PPFIBP1: variants seen among roughly 807,000 people sequenced by gnomAD.
PPFIBP1 encodes PPFIB scaffold protein 1.
Under a neutral mutation model 137.8 loss-of-function variants are expected in PPFIBP1, and 112 were observed. The ratio of observed to expected loss-of-function variants is 0.81; its 90% CI spans 0.70 to 0.95. The LOEUF (loss-of-function observed/expected upper bound fraction) is 0.95. PPFIBP1 is among the 40% of genes least tolerant of loss of function. The pLI is 0.00. For synonymous variants in PPFIBP1, 378 were observed against 417.3 expected, an observed-to-expected ratio of 0.91 and a Z score of 1.15; for missense variants, 1,083 against 1,196.6, an observed-to-expected ratio of 0.91 and a Z score of 1.40.
chr12:27,525,744 A>G (rs1488882512), intron 1 of PPFIBP1, among the ~76,000 whole-genome samples: 2 of 152,122 alleles, frequency 1.3e-5, no homozygotes, highest in South Asian at 4.1e-4. Flanking sequence ...TAGTAAACCC[A>G]AGTCAGGAAA....
chr12:27,571,131 G>A (rs566383586), intron 1 of PPFIBP1, among the ~76,000 whole-genome samples: 2 of 152,066 alleles, frequency 1.3e-5, no homozygotes, highest in East Asian at 1.9e-4. Context: ...TATATTATGA[G>A]GGTCCTTCTG....
rs1325265897 is a variant in PPFIBP1, at chr12:27,557,730, C to T, written c.-123-20422C>T. ...ACCTTTAAGTCAGATCATGAAAAGT[C>T]TCCAACACTGTTGGCATAGTACATT... On this transcript the variant is annotated intron_variant, in intron 1 of 29. Transcript: ENST00000228425. Among the ~76,000 whole-genome samples, 3 of 152,202 alleles carry T rather than the reference C, an allele frequency of 2.0e-5. No individual in the cohort carries two copies. In the East Asian group the frequency reaches 5.8e-4, roughly 29 times the overall value.
At chr12:27,673,629 G>A (rs2060333820) in intron 15 of PPFIBP1, 138 bp from the exon 16 acceptor site, 3 of 671,784 alleles carry the variant, frequency 4.5e-6, no homozygotes, top group South Asian at 4.0e-5. Context: ...AAGCACATAA[G>A]TGACTGCCTG....
At chr12:27,685,548 A>G (rs1356548762) in intron 24 of PPFIBP1, among the ~76,000 whole-genome samples, 2 of 152,168 alleles carry the variant, frequency 1.3e-5, no homozygotes, top group Non-Finnish European at 1.5e-5. Flanking sequence ...GAGAATGTGA[A>G]CAAATTCAAG....
At chr12:27,685,420 C>T (rs2061147284) in intron 24 of PPFIBP1, among the ~76,000 whole-genome samples, 1 of 151,982 alleles carries the variant, frequency 6.6e-6, no homozygotes, top group Non-Finnish European at 1.5e-5. Context: ...AATAGAAAGT[C>T]ATAGAGAGTT....
intron 2 of PPFIBP1, among the ~76,000 whole-genome samples, chr12:27,632,938 A>C (rs995814475): frequency 3.9e-5 from 6 of 152,182 alleles, no homozygotes; most frequent in Admixed American, 6.5e-5. Context: ...AAGCCCTTGT[A>C]CAGAAAGAAA....
At chr12:27,528,859 G>A (rs1194463280) in intron 1 of PPFIBP1, among the ~76,000 whole-genome samples, 1 of 152,202 alleles carries the variant, frequency 6.6e-6, no homozygotes. Context: ...ATTTCTGAAA[G>A]GTGGGTTTGG....
chr12:27,563,928 A>G (rs1476940919), intron 1 of PPFIBP1, among the ~76,000 whole-genome samples: 2 of 149,516 alleles, frequency 1.3e-5, no homozygotes, highest in African/African-American at 4.9e-5. Flanking sequence ...GCTGGAGTGC[A>G]ATGGTGCGAT....
At chr12:27,574,184 G>A (rs1399005427) in intron 1 of PPFIBP1, among the ~76,000 whole-genome samples, 1 of 152,164 alleles carries the variant, frequency 6.6e-6, no homozygotes, top group Non-Finnish European at 1.5e-5. Flanking sequence ...GGAAGTGGTG[G>A]GGGTGATTCA....
Position 27,641,050 on chromosome 12 carries a change from A to G in PPFIBP1, c.271-5012A>G, listed in dbSNP as rs1320697917. On this transcript the variant is annotated intron_variant, in intron 4 of 29. Transcript: ENST00000228425. Reference sequence around the variant, plus strand: ...AAATCAAGACTGCGTGACAATTTTAATAACTAGTTTTAAAAATAAGTATAA... The same window carrying G: ...AAATCAAGACTGCGTGACAATTTTAGTAACTAGTTTTAAAAATAAGTATAA... 4.6e-5 allele frequency among the ~76,000 whole-genome samples: 7 copies of G among 152,210 alleles called. No homozygotes were observed. In the East Asian group the frequency reaches 1.2e-3, roughly 25 times the overall value.
Position 27,608,244 on chromosome 12 carries a change from A to G in PPFIBP1, c.-35-25118A>G, listed in dbSNP as rs574513139. Among the ~76,000 whole-genome samples, 132 of 152,302 alleles carry G rather than the reference A, an allele frequency of 8.7e-4. 1 individual carries two copies. Among genetic ancestry groups the G allele is most frequent in the African/African-American group, 3.0e-3 (126 of 41,548 alleles). On this transcript the variant is annotated intron_variant, in intron 2 of 29. Transcript: ENST00000228425. ...CATTTAGGAAAACAGGACTACCACAAACAAAGATGCTACAGACAGCACACT... is the reference window on the plus strand; with the variant it reads ...CATTTAGGAAAACAGGACTACCACAGACAAAGATGCTACAGACAGCACACT...
intron 2 of PPFIBP1, among the ~76,000 whole-genome samples, chr12:27,597,825 A>G (rs1158600462): frequency 1.3e-5 from 2 of 152,044 alleles, no homozygotes; most frequent in Non-Finnish European, 2.9e-5. Context: ...TATTTTTGAG[A>G]TGGAGTTTTG....
intron 13 of PPFIBP1, among the ~76,000 whole-genome samples, chr12:27,670,634 C>T (rs907755604): frequency 9.2e-5 from 14 of 152,028 alleles, no homozygotes; most frequent in Non-Finnish European, 1.8e-4. Flanking sequence ...AAACATTAGC[C>T]AGCTGTGGTG....
intron 4 of PPFIBP1, among the ~76,000 whole-genome samples, 178 bp from the exon 5 acceptor site, chr12:27,645,884 G>A (rs1304090759): frequency 6.6e-6 from 1 of 152,178 alleles, no homozygotes; most frequent in Non-Finnish European, 1.5e-5. Context: ...TAACATGCCT[G>A]TCTTACCTCT....
intron 5 of PPFIBP1, 109 bp from the exon 6 acceptor site, chr12:27,647,620 C>T (rs1275442649): frequency 5.6e-5 from 37 of 660,630 alleles, no homozygotes; most frequent in South Asian, 8.8e-5. Flanking sequence ...TTCTTTATAA[C>T]CGTATGAATG....
chr12:27,598,276 A>G (rs1159888389), intron 2 of PPFIBP1, among the ~76,000 whole-genome samples: 5 of 152,218 alleles, frequency 3.3e-5, no homozygotes, highest in African/African-American at 1.2e-4. Context: ...AAATCATGGC[A>G]GAAGGCAAAG....
chr12:27,576,359 G>T (rs1398704436), intron 1 of PPFIBP1, among the ~76,000 whole-genome samples: 3 of 152,180 alleles, frequency 2.0e-5, no homozygotes, highest in Admixed American at 1.3e-4. Context: ...GGCCTGGGAA[G>T]TGACTGACTT....
chr12:27,595,885 A>AC (rs745567082), intron 2 of PPFIBP1, among the ~76,000 whole-genome samples: 32,428 of 114,144 alleles, frequency 0.28, 4,395 homozygotes, highest in East Asian at 0.53. Flanking sequence ...AACAACAACA[A>AC]AATATATATA....
chr12:27,674,203 T>C lies in PPFIBP1; in HGVS notation c.1392T>C (p.Thr464=). Residue 464 remains threonine (T), a synonymous_variant, in exon 17 of 30, where the codon ACT becomes ACC. Coordinates refer to ENST00000228425, the MANE Select transcript of PPFIBP1 (RefSeq NM_003622.4). ...KKETSDGEKE[T]IQKTSEDRAP... ...ATTGCTTTGAACAGGAAAAGGAAAC[T>C]ATTCAGAAGACTTCAGAGGTAACTT... 1.3e-6 allele frequency: 2 copies of C among 1,595,558 alleles called. No homozygotes were observed. The highest frequency in any genetic ancestry group is 2.3e-5 in the South Asian group (2 of 86,976).
Sources: gnomAD v4.1 joint callset for allele counts (sites outside exome capture counted in the v4.1 genomes callset) on GRCh38, gnomAD v4.1.1 for gene constraint, MANE v1.5 for transcripts, NCBI Gene and HGNC (gene_info 2026-07-23, HGNC 2026-07-21) for gene names.